The following CDR2L variants were observed in gnomAD, a reference collection of about 807,000 sequenced individuals.
The protein encoded by CDR2L is cerebellar degeneration related protein 2 like.
Under a neutral mutation model 36.1 loss-of-function variants are expected in CDR2L, and 19 were observed. The observed-to-expected ratio is 0.53, with a 90% CI of 0.37 to 0.77. CDR2L has a LOEUF of 0.77. Ranked by LOEUF, CDR2L falls within the 30% of genes least tolerant of loss-of-function variation. CDR2L has a pLI of 0.00. For missense variants in CDR2L, 575 were observed against 627.2 expected (o/e 0.92, Z 0.89); for synonymous variants, 285 against 280.4 (o/e 1.02, Z -0.16).
At chr17:74,990,200 G>C (rs1045872419) in intron 1 of CDR2L, among the ~76,000 whole-genome samples, 4 of 152,200 alleles carry the variant, frequency 2.6e-5, no homozygotes, top group Non-Finnish European at 5.9e-5. Flanking sequence ...TGAGACTCCA[G>C]CTGCGCTGGG....
intron 1 of CDR2L, among the ~76,000 whole-genome samples, chr17:74,988,875 G>A (rs1567972483): frequency 6.6e-6 from 1 of 152,282 alleles, no homozygotes; most frequent in East Asian, 1.9e-4. Context: ...AAGGGGGTTA[G>A]AAGCTGGTGA....
chr17:74,991,425 A>AG (rs1181539757), intron 1 of CDR2L, among the ~76,000 whole-genome samples: 2 of 126,698 alleles, frequency 1.6e-5, no homozygotes, highest in Non-Finnish European at 3.3e-5. Flanking sequence ...AAAAAAAAAA[A>AG]GCCTAGAAAG....
Position 75,003,903 on chromosome 17 carries a change from T to C in CDR2L, c.1227T>C (p.Gly409=), listed in dbSNP as rs1279058263. The C allele has an allele frequency of 6.2e-7, 1 of 1,607,210 alleles. No homozygotes were observed. Among genetic ancestry groups the C allele is most frequent in the Non-Finnish European group, 8.5e-7 (1 of 1,177,376 alleles). The part of the protein sequence containing the change: ...RDLRGGEEGQ[G]EVKAGEKSLS... ...TGCGCGGGGGTGAGGAGGGCCAGGG[T>C]GAGGTCAAGGCAGGAGAGAAGAGCC... The change falls in exon 5 of 5, where the codon GGT becomes GGC. Residue 409 remains glycine (G), a synonymous_variant. Transcript: ENST00000337231.
chr17:74,988,756 G>A (rs2039778861), intron 1 of CDR2L, among the ~76,000 whole-genome samples: 1 of 152,196 alleles, frequency 6.6e-6, no homozygotes. Context: ...ATGGTTTGGA[G>A]GGGGTCAGGT....
rs772674694 is a variant in CDR2L at position 75,003,764 on chromosome 17, T to G, written c.1088T>G (p.Leu363Arg). ...LREVDEQYHA[L>R]LEKYEELLSK... ...GAGGTGGACGAGCAGTACCACGCGC[T>G]GCTGGAGAAGTACGAGGAGCTGCTG... is the stretch of plus-strand genomic sequence containing the variant. The change falls in exon 5 of 5, where the codon CTG becomes CGG. Residue 363 changes from leucine (L) to arginine (R), a missense_variant. Physicochemically the swap from Leu to Arg is moderately radical, Grantham distance 102. Transcript: ENST00000337231. The G allele has an allele frequency of 6.6e-7, 1 of 1,507,182 alleles. No individual in the cohort carries two copies. The highest frequency in any genetic ancestry group is 2.2e-5 in the Admixed American group (1 of 45,842). 93.4% of individuals were successfully genotyped at this position (1,507,182 alleles called of 1,614,324 possible).
At chr17:75,001,892 G>A (rs570696310) in intron 3 of CDR2L, among the ~76,000 whole-genome samples, 172 bp from the exon 4 acceptor site, 2 of 152,298 alleles carry the variant, frequency 1.3e-5, no homozygotes, top group South Asian at 4.1e-4. Context: ...AGAAGGGCGG[G>A]TCCTTGGGCA....
At position 75,003,708 on chromosome 17, in the gene CDR2L, C is replaced by T. The variant is rs1387963823; in HGVS notation, c.1032C>T (p.Ser344=). 2 of 1,464,750 alleles carry T rather than the reference C, an allele frequency of 1.4e-6. No individual in the cohort carries two copies. The highest frequency in any genetic ancestry group is 2.5e-5 in the East Asian group (1 of 40,270). The allele number at this position is 1,464,750 out of a possible 1,614,324, so 90.7% of individuals were successfully genotyped here. The change falls in exon 5 of 5, where the codon AGC becomes AGT. Residue 344 remains serine (S), a synonymous_variant. Transcript: ENST00000337231. The part of the protein sequence containing the change: ...HAGNLTLHAN[S]VRKRGMSILR... Reference sequence around the variant, plus strand: ...GCAACCTCACACTGCACGCCAACAGCGTGCGCAAGCGGGGCATGTCCATCC... The same window carrying T: ...GCAACCTCACACTGCACGCCAACAGTGTGCGCAAGCGGGGCATGTCCATCC...
chr17:75,003,342 G>T lies in CDR2L; in HGVS notation c.666G>T (p.Ala222=). The change falls in exon 5 of 5, where the codon GCG becomes GCT. Residue 222 remains alanine (A), a synonymous_variant. Coordinates refer to ENST00000337231, the MANE Select transcript of CDR2L (RefSeq NM_014603.3). ...AGCGGGCGGAGCGCGAGTACACCGC[G>T]GTGCTGCAGGAGTACTCGGAGCTGG... ...RKERAEREYT[A]VLQEYSELER... 1 of 1,556,598 alleles carries T rather than the reference G, an allele frequency of 6.4e-7. No individual in the cohort carries two copies. Among genetic ancestry groups the T allele is most frequent in the Non-Finnish European group, 8.7e-7 (1 of 1,150,906 alleles).
rs955949879 is a variant in CDR2L at position 75,004,098 on chromosome 17, C to A, written c.*24C>A. 1.3e-6 allele frequency: 2 copies of A among 1,577,554 alleles called. No individual in the cohort carries two copies. The highest frequency in any genetic ancestry group is 2.7e-5 in the African/African-American group (2 of 74,226). Reference sequence around the variant, plus strand: ...GACCCTTCTCCGGCCTGCAGCCTCCCCCAGGGTGGAAGCCGTGGGGTCCCT... The same window carrying A: ...GACCCTTCTCCGGCCTGCAGCCTCCACCAGGGTGGAAGCCGTGGGGTCCCT... On this transcript the variant is annotated 3_prime_UTR_variant, in exon 5 of 5. Coordinates refer to ENST00000337231, the MANE Select transcript of CDR2L (RefSeq NM_014603.3).
Position 75,002,257 on chromosome 17 carries a change from G to A in CDR2L, c.506+29G>A, listed in dbSNP as rs958286255. 1 of 1,585,428 alleles carries A rather than the reference G, an allele frequency of 6.3e-7. No homozygotes were observed. Among genetic ancestry groups the A allele is most frequent in the Admixed American group, 1.8e-5 (1 of 55,976 alleles). On this transcript the variant is annotated intron_variant, in intron 4 of 4. Coordinates refer to ENST00000337231, the MANE Select transcript of CDR2L (RefSeq NM_014603.3). The surrounding 1 kb of genome is among the most constrained non-coding windows in gnomAD (Gnocchi z 4.1). ...GGTGAGAGCACTGCTTGGTGTCTCTGGGATTGCCAGCCATGGGAGGAAGGA... is the reference window on the plus strand; with the variant it reads ...GGTGAGAGCACTGCTTGGTGTCTCTAGGATTGCCAGCCATGGGAGGAAGGA...
intron 1 of CDR2L, among the ~76,000 whole-genome samples, chr17:74,997,789 G>A (rs1426763812): frequency 1.3e-5 from 2 of 151,932 alleles, no homozygotes; most frequent in Non-Finnish European, 2.9e-5. Flanking sequence ...CATTTTGGGA[G>A]GCCTGAGATC....
In CDR2L at chr17:75,004,725, C is replaced by G. The variant is rs2039892936; in HGVS notation, c.*651C>G. 1 of 152,770 alleles carries G rather than the reference C, an allele frequency of 6.5e-6. No individual in the cohort carries two copies. The highest frequency in any genetic ancestry group is 1.5e-5 in the Non-Finnish European group (1 of 68,292). The allele number at this position is 152,770 out of a possible 1,614,324, so 9.5% of individuals were successfully genotyped here. A position where few individuals can be genotyped will look rare whatever the true frequency, so the allele number is the denominator to read the frequency against. Reference sequence around the variant, plus strand: ...CAGCCCTGCCAGGGACAGGTTTCTCCCTGGATACTCTTGGCCCACCGCAGA... The same window carrying G: ...CAGCCCTGCCAGGGACAGGTTTCTCGCTGGATACTCTTGGCCCACCGCAGA... On this transcript the variant is annotated 3_prime_UTR_variant, in exon 5 of 5. Transcript: ENST00000337231.
intron 1 of CDR2L, among the ~76,000 whole-genome samples, chr17:74,997,769 G>A (rs962632950): frequency 6.6e-6 from 1 of 152,056 alleles, no homozygotes; most frequent in African/African-American, 2.4e-5. Flanking sequence ...GCTTATGCCT[G>A]TAATCCCAGC....
chr17:75,003,354 G>C lies in CDR2L; in HGVS notation c.678G>C (p.Glu226Asp), dbSNP rs951573577. ...AEREYTAVLQ[E>D]YSELERQLCE... ...GCGAGTACACCGCGGTGCTGCAGGA[G>C]TACTCGGAGCTGGAGCGCCAGCTGT... The change falls in exon 5 of 5, where the codon GAG becomes GAC. Residue 226 changes from glutamate to aspartate, a missense_variant. Glu to Asp is a conservative substitution (Grantham distance 45). Coordinates refer to ENST00000337231, the MANE Select transcript of CDR2L (RefSeq NM_014603.3). 2.6e-6 allele frequency: 4 copies of C among 1,557,874 alleles called. No individual in the cohort carries two copies. Among genetic ancestry groups the C allele is most frequent in the Non-Finnish European group, 3.5e-6 (4 of 1,151,644 alleles).
chr17:75,001,467 G>A lies in CDR2L; in HGVS notation c.319G>A (p.Ala107Thr), dbSNP rs747967290. 1 of 1,582,582 alleles carries A rather than the reference G, an allele frequency of 6.3e-7. No individual in the cohort carries two copies. Among genetic ancestry groups the A allele is most frequent in the East Asian group, 2.3e-5 (1 of 43,570 alleles). The change falls in exon 3 of 5, where the codon GCT (alanine) becomes ACT (threonine). Residue 107 changes from alanine (A) to threonine (T), a missense_variant. Transcript: ENST00000337231. The part of the protein sequence containing the change: ...TNHRLVLESK[A>T]AQQKIHGLTE... ...CCACAGGCTGGTGCTGGAGAGTAAG[G>A]CTGCCCAGCAGAAGATCCATGGGTG...
chr17:75,002,550 G>C lies in CDR2L; in HGVS notation c.506+322G>C, dbSNP rs770415923. ...TCAGCCAGCATGCTAACCCAGGAGG[G>C]GTAACCCACTGTGCTTTTCAGTTCC... is the stretch of plus-strand genomic sequence containing the variant. On this transcript the variant is annotated intron_variant, in intron 4 of 4. Transcript: ENST00000337231. This position sits in a 1 kb window ranked among gnomAD's most constrained non-coding sequence, Gnocchi z 4.1. 2.0e-5 allele frequency among the ~76,000 whole-genome samples: 3 copies of C among 152,176 alleles called. No homozygotes were observed. Among genetic ancestry groups the C allele is most frequent in the Non-Finnish European group, 4.4e-5 (3 of 68,034 alleles).
At chr17:74,994,490 G>A (rs2039813848) in intron 1 of CDR2L, among the ~76,000 whole-genome samples, 1 of 152,182 alleles carries the variant, frequency 6.6e-6, no homozygotes, top group South Asian at 2.1e-4. Flanking sequence ...TAGGAATTCT[G>A]TATCTAGGCC....
chr17:74,993,979 G>A (rs1406985979), intron 1 of CDR2L, among the ~76,000 whole-genome samples: 3 of 152,142 alleles, frequency 2.0e-5, no homozygotes, highest in Non-Finnish European at 2.9e-5. Flanking sequence ...CTCTCACAAG[G>A]CAATGTCAGT....
intron 1 of CDR2L, 115 bp from the exon 2 acceptor site, chr17:74,999,389 C>T (rs2039850622): frequency 5.9e-6 from 4 of 680,644 alleles, no homozygotes; most frequent in Non-Finnish European, 1.0e-5. Flanking sequence ...CCTCTCCTCC[C>T]AGGCCTGGAG....
Sources: allele counts gnomAD v4.1 joint callset (sites outside exome capture counted in the v4.1 genomes callset), GRCh38; gene constraint gnomAD v4.1.1; non-coding constraint Gnocchi (gnomAD v3.1); transcripts MANE v1.5; gene names NCBI Gene and HGNC (gene_info 2026-07-23, HGNC 2026-07-21).